The following ARHGEF26 variants were observed in gnomAD, a reference collection of about 807,000 sequenced individuals.
ARHGEF26 encodes the protein Rho guanine nucleotide exchange factor (GEF) 26.
In ARHGEF26, 59 loss-of-function variants were observed where a neutral mutation model predicts 89.4. That is an observed-to-expected ratio of 0.66 (90% CI 0.54 to 0.82). The LOEUF is 0.82. Among genes scored for constraint, ARHGEF26 ranks in the 40% least tolerant of loss-of-function variants. The probability of loss-of-function intolerance (pLI) is 0.00; values close to 1 mark genes in which losing one functional copy is unlikely to be tolerated. For missense variants in ARHGEF26, 1,234 were observed against 1,085.6 expected (o/e 1.14, Z -1.92); for synonymous variants, 500 against 428.4 (o/e 1.17, Z -2.06).
At chr3:154,148,929 T>C (rs1289064316) in intron 4 of ARHGEF26, among the ~76,000 whole-genome samples, 1 of 151,914 alleles carries the variant, frequency 6.6e-6, no homozygotes, top group Non-Finnish European at 1.5e-5. Context: ...TTAGAAGGGG[T>C]CTTAGTGATG....
intron 9 of ARHGEF26, among the ~76,000 whole-genome samples, chr3:154,210,474 T>C (rs1715292188): frequency 6.6e-6 from 1 of 151,762 alleles, no homozygotes; most frequent in Non-Finnish European, 1.5e-5. Context: ...CCACCAAGCC[T>C]GACTAATTTT....
At chr3:154,191,906 C>T (rs193121942) in intron 8 of ARHGEF26, among the ~76,000 whole-genome samples, 335 of 152,254 alleles carry the variant, frequency 2.2e-3, no homozygotes, top group Admixed American at 3.1e-3. Context: ...ATGCATTGTG[C>T]GAAGTGAGTG....
chr3:154,184,567 A>G (rs909798763), intron 6 of ARHGEF26, among the ~76,000 whole-genome samples: 4 of 152,214 alleles, frequency 2.6e-5, no homozygotes, highest in Non-Finnish European at 4.4e-5. Context: ...AACCTTGACC[A>G]GAAATCTCAG....
Position 154,239,287 on chromosome 3 carries a change from A to T in ARHGEF26, c.2091-1083A>T, listed in dbSNP as rs1717324569. ...GAGAGAGAGAGAGAGAGAGAGAGAG[A>T]GAGAGAGAGAGAGTGTGTGTGTGTG... On this transcript the variant is annotated intron_variant, in intron 11 of 14. Coordinates refer to ENST00000465093, the MANE Select transcript of ARHGEF26 (RefSeq NM_015595.4). Among the ~76,000 whole-genome samples, 44 of 104,282 alleles carry T rather than the reference A, an allele frequency of 4.2e-4. 1 individual carries two copies. In the South Asian group the frequency reaches 8.0e-3, roughly 19 times the overall value. 68.4% of individuals were successfully genotyped at this position (104,282 alleles called of 152,430 possible). A position where few individuals can be genotyped will look rare whatever the true frequency, so the allele number is the denominator to read the frequency against.
chr3:154,140,034 G>C (rs1392240235), intron 4 of ARHGEF26, among the ~76,000 whole-genome samples: 1 of 152,144 alleles, frequency 6.6e-6, no homozygotes, highest in South Asian at 2.1e-4. Context: ...CCTGCTTCTG[G>C]TAGTGGAGTG....
At chr3:154,173,168 G>A (rs1712559078) in intron 6 of ARHGEF26, among the ~76,000 whole-genome samples, 1 of 152,064 alleles carries the variant, frequency 6.6e-6, no homozygotes, top group Admixed American at 6.6e-5. Flanking sequence ...AGGTTTACAT[G>A]GATTCTTCTT....
intron 4 of ARHGEF26, among the ~76,000 whole-genome samples, chr3:154,145,499 A>G (rs1299589706): frequency 2.6e-5 from 4 of 152,190 alleles, no homozygotes; most frequent in African/African-American, 9.6e-5. Flanking sequence ...TGCTTGATGG[A>G]GACAGAGTGA....
intron 11 of ARHGEF26, among the ~76,000 whole-genome samples, chr3:154,239,752 G>A (rs1220814160): frequency 6.6e-6 from 1 of 152,142 alleles, no homozygotes; most frequent in South Asian, 2.1e-4. Flanking sequence ...TTCACAGTGC[G>A]ATGGGAATGG....
At chr3:154,243,492 G>C (rs1248165571) in intron 12 of ARHGEF26, among the ~76,000 whole-genome samples, 2 of 152,304 alleles carry the variant, frequency 1.3e-5, no homozygotes, top group Admixed American at 1.3e-4. Context: ...GCCAAGGCTA[G>C]ATCCTTTCCT....
intron 6 of ARHGEF26, among the ~76,000 whole-genome samples, chr3:154,154,420 A>G (rs2108103063): frequency 6.6e-6 from 1 of 152,016 alleles, no homozygotes; most frequent in East Asian, 1.9e-4. Context: ...ATAAAACTAG[A>G]TATATTAAAA....
intron 10 of ARHGEF26, among the ~76,000 whole-genome samples, chr3:154,224,044 C>A (rs553764222): frequency 1.3e-5 from 2 of 151,930 alleles, no homozygotes; most frequent in Non-Finnish European, 2.9e-5. Context: ...GATAGTATTT[C>A]AGTACTATTT....
intron 6 of ARHGEF26, among the ~76,000 whole-genome samples, chr3:154,159,574 C>G (rs1307495932): frequency 6.6e-6 from 1 of 152,026 alleles, no homozygotes; most frequent in East Asian, 1.9e-4. Context: ...TAATCAAACT[C>G]TATTAAAATT....
chr3:154,160,267 T>G (rs902350074), intron 6 of ARHGEF26, among the ~76,000 whole-genome samples: 1 of 152,160 alleles, frequency 6.6e-6, no homozygotes, highest in African/African-American at 2.4e-5. Flanking sequence ...CAACAACCAG[T>G]GTCTGGAGTA....
intron 2 of ARHGEF26, among the ~76,000 whole-genome samples, chr3:154,123,344 T>G (rs1718117032): frequency 6.6e-6 from 1 of 152,160 alleles, no homozygotes; most frequent in Non-Finnish European, 1.5e-5. Context: ...GAGTGAAATA[T>G]GGCAGATTAT....
intron 12 of ARHGEF26, among the ~76,000 whole-genome samples, chr3:154,242,722 TGAAA>T (rs1163432722): frequency 6.6e-6 from 1 of 152,018 alleles, no homozygotes; most frequent in South Asian, 2.1e-4. Flanking sequence ...CTTTCATGAA[TGAAA>T]GAGTCAATTG....
intron 6 of ARHGEF26, among the ~76,000 whole-genome samples, chr3:154,158,718 A>G (rs1559868434): frequency 6.6e-6 from 1 of 152,166 alleles, no homozygotes; most frequent in Admixed American, 6.5e-5. Context: ...TCATCTTTCA[A>G]TTAGAAATGA....
intron 6 of ARHGEF26, among the ~76,000 whole-genome samples, chr3:154,179,713 C>T (rs1219658156): frequency 6.6e-6 from 1 of 152,052 alleles, no homozygotes. Context: ...ATGGATGAAG[C>T]TATATATAGT....
intron 9 of ARHGEF26, among the ~76,000 whole-genome samples, chr3:154,203,007 T>C (rs554082463): frequency 6.6e-6 from 1 of 152,188 alleles, no homozygotes; most frequent in South Asian, 2.1e-4. Context: ...TCCTGCCTGA[T>C]TGCCCTGGTC....
rs1465322418 is a variant in ARHGEF26, at chr3:154,226,017, C to CT, written c.2090+10dup. On this transcript the variant is annotated splice_region_variant and intron_variant, in intron 11 of 14. Transcript: ENST00000465093. ...TTATCACCAAGAAGAAGAGGTAAGTCTTTATCTGGTGTTGCTGACTAGACA... is the reference window on the plus strand; with the variant it reads ...TTATCACCAAGAAGAAGAGGTAAGTCTTTTATCTGGTGTTGCTGACTAGACA... 6.2e-7 allele frequency: 1 copy of CT among 1,606,018 alleles called. No individual in the cohort carries two copies. The highest frequency in any genetic ancestry group is 1.3e-5 in the African/African-American group (1 of 74,452).
Sources: gnomAD v4.1 joint callset for allele counts (sites outside exome capture counted in the v4.1 genomes callset) on GRCh38, gnomAD v4.1.1 for gene constraint, MANE v1.5 for transcripts, NCBI Gene and HGNC (gene_info 2026-07-23, HGNC 2026-07-21) for gene names.